The following SLC27A3 variants were observed in gnomAD, a reference collection of about 807,000 sequenced individuals.
SLC27A3 encodes long-chain fatty acid transport protein 3.
Under a neutral mutation model 60.1 loss-of-function variants are expected in SLC27A3, and 60 were observed. The ratio of observed to expected loss-of-function variants is 1.00; its 90% CI spans 0.81 to 1.24. The LOEUF is 1.24. Ranked by LOEUF, SLC27A3 falls within the 50% of genes most tolerant of loss-of-function variation. SLC27A3 has a pLI of 0.00. For missense variants in SLC27A3, 1,079 were observed against 929.9 expected, an observed-to-expected ratio of 1.16 and a Z score of -2.09; for synonymous variants, 455 against 409.0, an observed-to-expected ratio of 1.11 and a Z score of -1.36.
rs781095435 is a variant in SLC27A3, at chr1:153,778,238, G to A, written c.1239G>A (p.Val413=). ...GCCCAGATACCTGGGAGCGTTTTGT[G>A]CGGCGCTTCGGGCCCCTGCAGGTGC... ...GLRPDTWERF[V]RRFGPLQVLE... The change falls in exon 5 of 10, where the codon GTG becomes GTA. Residue 413 remains valine (V), a synonymous_variant. Transcript: ENST00000624995. 5.0e-6 allele frequency: 8 copies of A among 1,613,966 alleles called. No individual in the cohort carries two copies. In the South Asian group the frequency reaches 7.7e-5, roughly 16 times the overall value.
Position 153,778,364 on chromosome 1 carries a change from C to T in SLC27A3, c.1356+9C>T. On this transcript the variant is annotated intron_variant, in intron 5 of 9. Transcript: ENST00000624995. ...CTTCCTGGCTTTACAAGGTGAGGGG[C>T]AGAGAGGAAACTGAAAACCCGTGGA... is the stretch of plus-strand genomic sequence containing the variant. 2 of 1,613,652 alleles carry T rather than the reference C, an allele frequency of 1.2e-6. No individual in the cohort carries two copies. Among genetic ancestry groups the T allele is most frequent in the South Asian group, 2.2e-5 (2 of 91,058 alleles).
chr1:153,779,002 C>T lies in SLC27A3; in HGVS notation c.1647-112C>T, dbSNP rs547132075. 2.6e-4 allele frequency: 376 copies of T among 1,453,232 alleles called. 7 individuals are homozygous for T. In the South Asian group the frequency reaches 4.1e-3, roughly 16 times the overall value. 90.0% of individuals were successfully genotyped at this position (1,453,232 alleles called of 1,614,324 possible). ...CTGGGTCCTAAGCTAATCTCTCATT[C>T]TCAGATCTCACCATTTCATCCCTGT... On this transcript the variant is annotated intron_variant, in intron 7 of 9. Transcript: ENST00000624995.
chr1:153,779,158 TC>T lies in SLC27A3; in HGVS notation c.1692del (p.Phe564LeufsTer4), dbSNP rs773458443. The T allele has an allele frequency of 6.2e-7, 1 of 1,614,146 alleles. No homozygotes were observed. The highest frequency in any genetic ancestry group is 1.1e-5 in the South Asian group (1 of 91,080). On this transcript the variant is annotated frameshift_variant, in exon 8 of 10. Transcript: ENST00000624995. LOFTEE classifies it high-confidence loss of function. ...NVATTEVAEV[F>X]EALDFLQEVN... is the part of the protein sequence containing the mutation. Reference sequence around the variant, plus strand: ...GCCACAACCGAGGTGGCAGAGGTCTTCGAGGCCCTAGATTTTCTTCAGGAGG... The same window carrying T: ...GCCACAACCGAGGTGGCAGAGGTCTTGAGGCCCTAGATTTTCTTCAGGAGG...
At position 153,775,968 on chromosome 1, in the gene SLC27A3, T is replaced by G; in HGVS notation, c.471T>G (p.Gly157=). The G allele has an allele frequency of 2.1e-6, 3 of 1,437,690 alleles. No homozygotes were observed. Among genetic ancestry groups the G allele is most frequent in the Non-Finnish European group, 2.7e-6 (3 of 1,102,436 alleles). The allele number at this position is 1,437,690 out of a possible 1,614,324, so 89.1% of individuals were successfully genotyped here. Residue 157 remains glycine (G), a synonymous_variant, in exon 1 of 10, where the codon GGT becomes GGG. Transcript: ENST00000624995. The part of the protein sequence containing the change: ...EFAGGDGAAR[G]GGAAAPLSPG... ...CCGGAGGGGACGGTGCCGCCAGAGG[T>G]GGAGGAGCCGCCGCCCCTCTGTCAC... is the stretch of plus-strand genomic sequence containing the variant.
At position 153,775,759 on chromosome 1, in the gene SLC27A3, T is replaced by TC. The variant is rs774249329; in HGVS notation, c.263dup (p.Arg89AlafsTer4). The TC allele has an allele frequency of 6.6e-7, 1 of 1,506,438 alleles. No homozygotes were observed. Among genetic ancestry groups the TC allele is most frequent in the Non-Finnish European group, 8.8e-7 (1 of 1,132,426 alleles). 93.3% of individuals were successfully genotyped at this position (1,506,438 alleles called of 1,614,324 possible). A position where few individuals can be genotyped will look rare whatever the true frequency, so the allele number is the denominator to read the frequency against. On this transcript the variant is annotated frameshift_variant, in exon 1 of 10. Coordinates refer to ENST00000624995, the MANE Select transcript of SLC27A3 (RefSeq NM_024330.4). LOFTEE classifies it high-confidence loss of function. ...CGCGCACACCTTTCTCATTCACGGC[T>TC]CGCGGCGCTTTAGCTACTCAGAGGC...
intron 2 of SLC27A3, 103 bp from the exon 3 acceptor site, chr1:153,776,959 T>G: frequency 7.5e-7 from 1 of 1,325,044 alleles, no homozygotes; most frequent in Non-Finnish European, 1.1e-6. Flanking sequence ...GCTTCTGTCC[T>G]GCCTCCGCCT....
intron 7 of SLC27A3, 23 bp from the exon 8 acceptor site, chr1:153,779,091 T>G: frequency 6.2e-7 from 1 of 1,612,502 alleles, no homozygotes; most frequent in Non-Finnish European, 8.5e-7. Context: ...GACTCCCAGT[T>G]TCAGATCTCT....
Position 153,775,608 on chromosome 1 carries a change from G to T in SLC27A3, c.111G>T (p.Val37=). ...TTCCGGCGGACTTGGCCTTTGCGGT[G>T]CGAGCTCTGTGCTGCAAAAGGGCTC... The part of the protein sequence containing the change: ...RWLPADLAFA[V]RALCCKRALR... The change falls in exon 1 of 10, where the codon GTG becomes GTT. Residue 37 remains valine, a synonymous_variant. Coordinates refer to ENST00000624995, the MANE Select transcript of SLC27A3 (RefSeq NM_024330.4). The T allele has an allele frequency of 6.3e-7, 1 of 1,591,072 alleles. No homozygotes were observed.
rs541755205 is a variant in SLC27A3 at position 153,777,502 on chromosome 1, G to C, written c.1037-259G>C. The C allele has an allele frequency of 2.0e-4, 122 of 614,744 alleles. No homozygotes were observed. In the Middle Eastern group the frequency reaches 3.4e-3, roughly 17 times the overall value. 38.1% of individuals were successfully genotyped at this position (614,744 alleles called of 1,614,324 possible). A position where few individuals can be genotyped will look rare whatever the true frequency, so the allele number is the denominator to read the frequency against. ...GCAAGTAAGAGAAGAGGGAGAGAGA[G>C]ACAAGGAAGTGAGAGTGTGGAGGAT... On this transcript the variant is annotated intron_variant, in intron 3 of 9. Coordinates refer to ENST00000624995, the MANE Select transcript of SLC27A3 (RefSeq NM_024330.4).
At position 153,778,900 on chromosome 1, in the gene SLC27A3, C is replaced by G. The variant is rs1488863467; in HGVS notation, c.1646+15C>G. ...GACACCTTCAGGTATCTGTCCATAA[C>G]TGGTTTTTCATCCTGGACATCTGAT... is the stretch of plus-strand genomic sequence containing the variant. On this transcript the variant is annotated intron_variant, in intron 7 of 9. Coordinates refer to ENST00000624995, the MANE Select transcript of SLC27A3 (RefSeq NM_024330.4). The G allele has an allele frequency of 7.4e-6, 12 of 1,612,742 alleles. No individual in the cohort carries two copies. The highest frequency in any genetic ancestry group is 1.0e-5 in the Non-Finnish European group (12 of 1,178,854).
chr1:153,776,945 C>T, intron 2 of SLC27A3, 117 bp from the exon 3 acceptor site: 2 of 1,219,316 alleles, frequency 1.6e-6, no homozygotes, highest in Non-Finnish European at 2.3e-6. Flanking sequence ...GGTCTCGGTC[C>T]TCAGCTTCTG....
At chr1:153,778,388 G>A (rs1222227241) in intron 5 of SLC27A3, 33 bp downstream of exon 5, 1 of 1,613,892 alleles carries the variant, frequency 6.2e-7, no homozygotes, top group Non-Finnish European at 8.5e-7. Context: ...AAAACCCGTG[G>A]AACAGCAGAG....
Position 153,775,749 on chromosome 1 carries a change from C to G in SLC27A3, c.252C>G (p.Leu84=). 4.0e-6 allele frequency: 6 copies of G among 1,513,318 alleles called. No homozygotes were observed. Among genetic ancestry groups the G allele is most frequent in the Non-Finnish European group, 5.3e-6 (6 of 1,134,976 alleles). 93.7% of individuals were successfully genotyped at this position (1,513,318 alleles called of 1,614,324 possible). A position where few individuals can be genotyped will look rare whatever the true frequency, so the allele number is the denominator to read the frequency against. ...LAQQRAAHTF[L]IHGSRRFSYS... ...AGCAGCGCGCCGCGCACACCTTTCT[C>G]ATTCACGGCTCGCGGCGCTTTAGCT... Residue 84 remains leucine, a synonymous_variant, in exon 1 of 10, where the codon CTC becomes CTG. Transcript: ENST00000624995.
intron 4 of SLC27A3, 105 bp downstream of exon 4, chr1:153,777,990 G>T: frequency 6.5e-7 from 1 of 1,542,666 alleles, no homozygotes; most frequent in Non-Finnish European, 8.8e-7. Flanking sequence ...GCAGCAAGAA[G>T]AAAATGGCAG....
rs1286785808 is a variant in SLC27A3 at position 153,778,152 on chromosome 1, T to C, written c.1162-9T>C. On this transcript the variant is annotated splice_polypyrimidine_tract_variant and intron_variant, in intron 4 of 9. Coordinates refer to ENST00000624995, the MANE Select transcript of SLC27A3 (RefSeq NM_024330.4). ...GCTGAAGCTCCGGCCCCTCTCCCACTCATCTCAGAGCAAGGCAGAACGTGG... is the reference window on the plus strand; with the variant it reads ...GCTGAAGCTCCGGCCCCTCTCCCACCCATCTCAGAGCAAGGCAGAACGTGG... 1.3e-6 allele frequency: 2 copies of C among 1,598,344 alleles called. No homozygotes were observed. Among genetic ancestry groups the C allele is most frequent in the African/African-American group, 2.7e-5 (2 of 74,490 alleles).
rs199542091 is a variant in SLC27A3 at position 153,779,848 on chromosome 1, C to G, written c.1898C>G (p.Thr633Ser). Residue 633 changes from threonine to serine, a missense_variant, in exon 10 of 10, where the codon ACC becomes AGC. Thr to Ser is a moderately conservative substitution (Grantham distance 58, BLOSUM62 1). Coordinates refer to ENST00000624995, the MANE Select transcript of SLC27A3 (RefSeq NM_024330.4). ...CAGGAGTCTTTGGCCACCACAGAGA[C>G]CTTCAAACAGCAGAAAGTTCGGATG... is the stretch of plus-strand genomic sequence containing the variant. The part of the protein sequence containing the change: ...RLQESLATTE[T>S]FKQQKVRMAN... 1.0e-3 allele frequency: 1,637 copies of G among 1,614,098 alleles called. 37 individuals are homozygous for G. In the South Asian group the frequency reaches 0.017, roughly 17 times the overall value.
chr1:153,776,925 A>T, intron 2 of SLC27A3, 137 bp from the exon 3 acceptor site: 1 of 1,054,840 alleles, frequency 9.5e-7, no homozygotes, highest in Middle Eastern at 3.0e-4. Flanking sequence ...CCATATTTCC[A>T]GGACAGCCTG....
intron 3 of SLC27A3, 54 bp downstream of exon 3, chr1:153,777,274 C>T (rs1401032367): frequency 3.0e-5 from 48 of 1,595,216 alleles, no homozygotes; most frequent in Non-Finnish European, 3.9e-5. Flanking sequence ...ATTTATTAAG[C>T]ACGTACTATG....
At position 153,777,609 on chromosome 1, in the gene SLC27A3, G is replaced by C. The variant is rs1237267393; in HGVS notation, c.1037-152G>C. ...ACAGGGGCCGGGGGAGGGGAAAGAG[G>C]GCCAGCACGGCTTCCTGACGGTGTG... On this transcript the variant is annotated intron_variant, in intron 3 of 9. Coordinates refer to ENST00000624995, the MANE Select transcript of SLC27A3 (RefSeq NM_024330.4). The C allele has an allele frequency of 2.6e-5, 26 of 990,728 alleles. 1 individual carries two copies. Among genetic ancestry groups the C allele is most frequent in the South Asian group, 1.2e-4 (8 of 69,114 alleles). 61.4% of individuals were successfully genotyped at this position (990,728 alleles called of 1,614,324 possible). A position where few individuals can be genotyped will look rare whatever the true frequency, so the allele number is the denominator to read the frequency against.
Sources: gnomAD v4.1 joint callset for allele counts on GRCh38, gnomAD v4.1.1 for gene constraint, MANE v1.5 for transcripts, NCBI Gene and HGNC (gene_info 2026-07-23, HGNC 2026-07-21) for gene names.